The following PLXNA4 variants were observed in gnomAD, a reference collection of about 807,000 sequenced individuals.
The protein encoded by PLXNA4 is plexin A4.
In PLXNA4, 44 loss-of-function variants were observed where a neutral mutation model predicts 191.8. That is an observed-to-expected ratio of 0.23 (90% CI 0.18 to 0.29). PLXNA4 has a LOEUF of 0.29. Ranked by LOEUF, PLXNA4 falls within the 10% of genes least tolerant of loss-of-function variation. The pLI is 1.00. For synonymous variants in PLXNA4, 1,082 were observed against 1,009.5 expected (o/e 1.07, Z -1.36); for missense variants, 1,800 against 2,488.8 (o/e 0.72, Z 5.89).
intron 9 of PLXNA4, among the ~76,000 whole-genome samples, chr7:132,222,582 T>G (rs1798183612): frequency 6.6e-6 from 1 of 151,068 alleles, no homozygotes; most frequent in African/African-American, 2.4e-5. Context: ...GTTAAAGGGG[T>G]CTGAAAGATA....
intron 1 of PLXNA4, among the ~76,000 whole-genome samples, chr7:132,513,611 G>A (rs1001026821): frequency 7.2e-5 from 11 of 151,992 alleles, no homozygotes; most frequent in African/African-American, 2.4e-4. Flanking sequence ...CAAAATTCAC[G>A]TCACAACACA....
chr7:132,142,776 C>T (rs1795307368), intron 29 of PLXNA4, among the ~76,000 whole-genome samples: 1 of 152,166 alleles, frequency 6.6e-6, no homozygotes. Context: ...GGCTCAGAGC[C>T]CTGAATGCAG....
At chr7:132,358,785 C>T (rs927437049) in intron 3 of PLXNA4, among the ~76,000 whole-genome samples, 1 of 152,144 alleles carries the variant, frequency 6.6e-6, no homozygotes, top group African/African-American at 2.4e-5. Context: ...GAGCGAGTAT[C>T]ACTGGGCACA....
chr7:132,262,461 C>T lies in PLXNA4; in HGVS notation c.1504-21295G>A, dbSNP rs545236615. 2.6e-5 allele frequency among the ~76,000 whole-genome samples: 4 copies of T among 152,198 alleles called. No homozygotes were observed. The East Asian group carries it at 7.7e-4, about 29-fold the overall frequency. ...ACAGCAAACCTTGATGGGCTTTTTC[C>T]CCTTTCCATGGAGGGGGTAAAGAGG... On this transcript the variant is annotated intron_variant, in intron 4 of 31. Coordinates refer to ENST00000321063, the MANE Select transcript of PLXNA4 (RefSeq NM_020911.2).
intron 3 of PLXNA4, among the ~76,000 whole-genome samples, chr7:132,447,533 C>T (rs1035221781): frequency 2.6e-5 from 4 of 152,118 alleles, no homozygotes; most frequent in Admixed American, 2.6e-4. Context: ...GACTGGGATA[C>T]CATGTTACAA....
intron 3 of PLXNA4, among the ~76,000 whole-genome samples, chr7:132,467,818 G>C (rs1219957109): frequency 6.6e-6 from 1 of 152,196 alleles, no homozygotes; most frequent in African/African-American, 2.4e-5. Flanking sequence ...TGGTGAAACA[G>C]ACCATCCCTG....
intron 3 of PLXNA4, among the ~76,000 whole-genome samples, chr7:132,323,917 A>G (rs1268669410): frequency 6.6e-6 from 1 of 152,124 alleles, no homozygotes; most frequent in Non-Finnish European, 1.5e-5. Flanking sequence ...GAAATGATGC[A>G]ATTCTACATG....
intron 2 of PLXNA4, among the ~76,000 whole-genome samples, chr7:132,591,078 T>C (rs1802596395): frequency 2.0e-5 from 3 of 152,034 alleles, no homozygotes; most frequent in Admixed American, 1.3e-4. Context: ...CAAGGGAGGC[T>C]GGGAAAAAGA....
intron 3 of PLXNA4, among the ~76,000 whole-genome samples, chr7:132,380,936 G>A (rs907011531): frequency 6.6e-6 from 1 of 152,234 alleles, no homozygotes; most frequent in African/African-American, 2.4e-5. Context: ...CCACTGCCAA[G>A]GTTAAACATG....
chr7:132,546,448 T>A (rs1321632960), intron 1 of PLXNA4, among the ~76,000 whole-genome samples: 1 of 152,174 alleles, frequency 6.6e-6, no homozygotes, highest in Non-Finnish European at 1.5e-5. Flanking sequence ...CCAGAGAAAG[T>A]AGAACTCTGG....
At chr7:132,502,717 C>A (rs914361286) in intron 2 of PLXNA4, among the ~76,000 whole-genome samples, 5 of 152,180 alleles carry the variant, frequency 3.3e-5, no homozygotes, top group Admixed American at 2.0e-4. Flanking sequence ...TTGAGTGAAA[C>A]ACTTGAGTTT....
At chr7:132,197,079 CT>C (rs1419410353) in intron 13 of PLXNA4, among the ~76,000 whole-genome samples, 1 of 152,150 alleles carries the variant, frequency 6.6e-6, no homozygotes, top group Non-Finnish European at 1.5e-5. Context: ...ATCCCCTAAT[CT>C]TTTTCTTTAT....
chr7:132,540,968 T>C (rs1234285112), intron 1 of PLXNA4, among the ~76,000 whole-genome samples: 1 of 152,174 alleles, frequency 6.6e-6, no homozygotes, highest in Non-Finnish European at 1.5e-5. Context: ...AGGAGAATGT[T>C]GGTACTGTTC....
chr7:132,448,033 C>G (rs372745927), intron 3 of PLXNA4, among the ~76,000 whole-genome samples: 4 of 152,004 alleles, frequency 2.6e-5, no homozygotes, highest in African/African-American at 7.2e-5. Flanking sequence ...CAACAGAAAA[C>G]ACCTCAAACA....
At chr7:132,471,200 C>T (rs1376408188) in intron 3 of PLXNA4, among the ~76,000 whole-genome samples, 1 of 152,166 alleles carries the variant, frequency 6.6e-6, no homozygotes, top group African/African-American at 2.4e-5. Context: ...CGCCTTCTGC[C>T]ATGACTGTAA....
chr7:132,209,663 C>T (rs1797732669), intron 10 of PLXNA4, among the ~76,000 whole-genome samples: 2 of 152,122 alleles, frequency 1.3e-5, no homozygotes, highest in Non-Finnish European at 2.9e-5. Context: ...AGTGTGTGGG[C>T]CTCTCTGAGC....
intron 3 of PLXNA4, among the ~76,000 whole-genome samples, chr7:132,300,569 C>G (rs764609061): frequency 6.9e-4 from 105 of 152,236 alleles, no homozygotes; most frequent in Non-Finnish European, 1.3e-3. Context: ...ATTCCCAGAG[C>G]CTTCCTTCTT....
intron 1 of PLXNA4, among the ~76,000 whole-genome samples, chr7:132,516,402 G>A (rs1163228522): frequency 2.0e-5 from 3 of 152,160 alleles, no homozygotes; most frequent in African/African-American, 7.2e-5. Context: ...GCTGTCTTGT[G>A]TTAGCAAATT....
Position 132,185,302 on chromosome 7 carries a change from A to G in PLXNA4, c.3155T>C (p.Val1052Ala). The G allele has an allele frequency of 6.2e-7, 1 of 1,612,142 alleles. No individual in the cohort carries two copies. The highest frequency in any genetic ancestry group is 2.2e-5 in the East Asian group (1 of 44,820). Reference protein sequence around the residue: ...IVRIEPEWSIVSGNTPIAVWG... With the variant: ...IVRIEPEWSIASGNTPIAVWG... The stretch of plus-strand genomic sequence containing the variant: ...GTCCGCTTGGGCCAGCTCCTACCTG[A>G]CAATGCTCCATTCTGGCTCAATCCG... Residue 1052 changes from valine to alanine, a missense_variant, in exon 16 of 32, where the codon GTC becomes GCC. By Grantham distance (64) the Val-to-Ala change is moderately conservative (BLOSUM62 0). Around this residue, in one of 6 missense-constraint regions of PLXNA4, gnomAD observed 1,397 missense variants for 1,880.4 expected, o/e 0.74. Transcript: ENST00000321063.
Sources: allele counts gnomAD v4.1 joint callset (sites outside exome capture counted in the v4.1 genomes callset), GRCh38; gene constraint gnomAD v4.1.1; regional missense constraint gnomAD v4.1.1; transcripts MANE v1.5; gene names NCBI Gene and HGNC (gene_info 2026-07-23, HGNC 2026-07-21).